FRMD3: variants seen among roughly 807,000 people sequenced by gnomAD.
The protein encoded by FRMD3 is FERM domain-containing protein 3.
Under a neutral mutation model 70.2 loss-of-function variants are expected in FRMD3, and 33 were observed. The ratio of observed to expected loss-of-function variants is 0.47; its 90% confidence interval spans 0.36 to 0.63. The LOEUF is 0.63. FRMD3 is among the 20% of genes least tolerant of loss of function. The pLI is 0.00. For missense variants in FRMD3, 632 were observed against 711.4 expected (o/e 0.89, Z 1.27); for synonymous variants, 279 against 255.9 (o/e 1.09, Z -0.86).
rs1834385338 is a variant in FRMD3, at chr9:83,290,726, C to T, written c.1072G>A (p.Ala358Thr). The T allele has an allele frequency of 1.2e-6, 2 of 1,604,204 alleles. No homozygotes were observed. Among genetic ancestry groups the T allele is most frequent in the Non-Finnish European group, 8.5e-7 (1 of 1,174,572 alleles). ...GAACTGCGGCTCTGAGTAATGTTGG[C>T]TCTGAAAACAGACACAAGCCAGACA... ...IQREPPEVHR[A>T]NITQSRSSHS... Residue 358 changes from alanine to threonine, a missense_variant and splice_region_variant, in exon 13 of 14, where the codon GCC becomes ACC. Ala to Thr is a moderately conservative substitution (Grantham distance 58). Transcript: ENST00000304195.
In FRMD3 at chr9:83,335,503, A is replaced by G. The variant is rs368843373; in HGVS notation, c.596+13T>C. On this transcript the variant is annotated intron_variant, in intron 6 of 13. Coordinates refer to ENST00000304195, the MANE Select transcript of FRMD3 (RefSeq NM_174938.6). ...CCCTTTATCATTTTCACAAATGTCT[A>G]CTCAGTAATTACCTGAGTTCATTTT... 1.9e-6 allele frequency: 3 copies of G among 1,604,972 alleles called. No individual in the cohort carries two copies. Among genetic ancestry groups the G allele is most frequent in the African/African-American group, 2.7e-5 (2 of 74,674 alleles).
chr9:83,420,332 T>A (rs997990480), intron 1 of FRMD3, among the ~76,000 whole-genome samples: 1 of 152,182 alleles, frequency 6.6e-6, no homozygotes, highest in Non-Finnish European at 1.5e-5. Context: ...GACGTGGGTG[T>A]CAGAGGATTT....
chr9:83,326,681 T>G (rs1308974854), intron 6 of FRMD3, among the ~76,000 whole-genome samples: 1 of 152,228 alleles, frequency 6.6e-6, no homozygotes, highest in East Asian at 1.9e-4. Flanking sequence ...GGGCATCTGT[T>G]TCTGGCAAAA....
chr9:83,546,735 A>T, the FRMD3 span, among the ~76,000 whole-genome samples: 4 of 151,996 alleles, frequency 2.6e-5, no homozygotes, highest in Non-Finnish European at 5.9e-5. Flanking sequence ...TCTACTAAAA[A>T]TACAAAATTT....
chr9:83,451,389 T>TCACA (rs10611241), intron 1 of FRMD3, among the ~76,000 whole-genome samples: 6,560 of 147,528 alleles, frequency 0.044, 235 homozygotes, highest in African/African-American at 0.1. Context: ...AATACATACA[T>TCACA]CACACACACA....
chr9:83,492,578 T>G (rs1828852754), intron 1 of FRMD3, among the ~76,000 whole-genome samples: 1 of 152,150 alleles, frequency 6.6e-6, no homozygotes, highest in Admixed American at 6.5e-5. Flanking sequence ...GCCCCTTTTC[T>G]CTTAGTGGCT....
intron 1 of FRMD3, among the ~76,000 whole-genome samples, chr9:83,504,584 T>C (rs558307777): frequency 1.9e-5 from 2 of 106,964 alleles, no homozygotes; most frequent in South Asian, 6.0e-4. Flanking sequence ...TTCTCCCAGG[T>C]ATTCATTTGA....
the FRMD3 span, among the ~76,000 whole-genome samples, chr9:83,546,486 A>G: frequency 6.6e-6 from 1 of 152,252 alleles, no homozygotes; most frequent in Non-Finnish European, 1.5e-5. Context: ...ATGCCACTAG[A>G]CTGGCTCTAT....
At chr9:83,302,088 T>C (rs967808104) in intron 10 of FRMD3, among the ~76,000 whole-genome samples, 5 of 152,072 alleles carry the variant, frequency 3.3e-5, no homozygotes, top group African/African-American at 7.2e-5. Flanking sequence ...GCACTGGGAA[T>C]TGGGAAACAA....
Position 83,325,987 on chromosome 9 carries a change from A to G in FRMD3, c.596+9529T>C, listed in dbSNP as rs1835999707. Among the ~76,000 whole-genome samples, 2 of 152,196 alleles carry G rather than the reference A, an allele frequency of 1.3e-5. 1 individual carries two copies. The highest frequency in any genetic ancestry group is 4.1e-4 in the South Asian group (2 of 4,830). Reference sequence around the variant, plus strand: ...TGTCTACACATGCTGTCATGCTACAACAGTAGTAGTTGCAATGAAGACTGT... The same window carrying G: ...TGTCTACACATGCTGTCATGCTACAGCAGTAGTAGTTGCAATGAAGACTGT... On this transcript the variant is annotated intron_variant, in intron 6 of 13. Coordinates refer to ENST00000304195, the MANE Select transcript of FRMD3 (RefSeq NM_174938.6).
intron 3 of FRMD3, among the ~76,000 whole-genome samples, chr9:83,363,760 T>G (rs1007257533): frequency 8.5e-5 from 13 of 152,136 alleles, no homozygotes; most frequent in South Asian, 2.1e-4. Flanking sequence ...TTCACCATGT[T>G]AGCCAGGATG....
At chr9:83,474,459 G>T (rs1267228663) in intron 1 of FRMD3, among the ~76,000 whole-genome samples, 2 of 152,116 alleles carry the variant, frequency 1.3e-5, no homozygotes, top group Non-Finnish European at 2.9e-5. Context: ...AAAGGTTCTT[G>T]TGGGATGAGC....
At chr9:83,369,617 T>TAAAC (rs1824905630) in intron 3 of FRMD3, among the ~76,000 whole-genome samples, 1 of 138,238 alleles carries the variant, frequency 7.2e-6, no homozygotes, top group Non-Finnish European at 1.6e-5. Context: ...AATAAATAAA[T>TAAAC]AAATAAAATA....
chr9:83,383,680 G>A (rs1388854594), intron 2 of FRMD3, among the ~76,000 whole-genome samples: 7 of 152,098 alleles, frequency 4.6e-5, no homozygotes, highest in Non-Finnish European at 1.0e-4. Flanking sequence ...CACCAACACA[G>A]GAAAAACTTC....
intron 13 of FRMD3, among the ~76,000 whole-genome samples, chr9:83,287,639 C>T (rs1261941443): frequency 6.6e-6 from 1 of 152,228 alleles, no homozygotes; most frequent in Non-Finnish European, 1.5e-5. Flanking sequence ...ACTCACACCT[C>T]ATGCAGGTGA....
At chr9:83,412,845 A>C (rs1393779918) in intron 1 of FRMD3, among the ~76,000 whole-genome samples, 1 of 152,046 alleles carries the variant, frequency 6.6e-6, no homozygotes, top group East Asian at 1.9e-4. Flanking sequence ...AAATACAAAA[A>C]TTAGCCGGGC....
intron 4 of FRMD3, among the ~76,000 whole-genome samples, chr9:83,348,517 G>A (rs1025737857): frequency 6.6e-6 from 1 of 151,994 alleles, no homozygotes; most frequent in Non-Finnish European, 1.5e-5. Flanking sequence ...TTCTTTTGAG[G>A]GTGATGAAAA....
At chr9:83,272,175 C>T (rs970359863) in intron 13 of FRMD3, among the ~76,000 whole-genome samples, 1 of 152,054 alleles carries the variant, frequency 6.6e-6, no homozygotes, top group African/African-American at 2.4e-5. Flanking sequence ...ACTGTACTGC[C>T]GCCATCTTGG....
chr9:83,425,499 C>A (rs1270037711), intron 1 of FRMD3, among the ~76,000 whole-genome samples: 4 of 152,124 alleles, frequency 2.6e-5, no homozygotes, highest in South Asian at 4.2e-4. Flanking sequence ...CCCGGGGAAA[C>A]CTGTCCAGCA....
Sources: gnomAD v4.1 joint callset for allele counts (sites outside exome capture counted in the v4.1 genomes callset) on GRCh38, gnomAD v4.1.1 for gene constraint, MANE v1.5 for transcripts, NCBI Gene and HGNC (gene_info 2026-07-23, HGNC 2026-07-21) for gene names.